DDHD1: variants seen among roughly 807,000 people sequenced by gnomAD.
DDHD1 encodes the protein DDHD domain containing 1, also known as phospholipase DDHD1.
In DDHD1, 49 loss-of-function variants were observed where a neutral mutation model predicts 96.4. The ratio of observed to expected loss-of-function variants is 0.51; its 90% CI spans 0.40 to 0.64. The LOEUF (loss-of-function observed/expected upper bound fraction) is 0.64, where lower values mean the gene tolerates loss of function less well. DDHD1 is among the 30% of genes least tolerant of loss of function. The probability of loss-of-function intolerance (pLI) is 0.00; values close to 1 mark genes in which losing one functional copy is unlikely to be tolerated. For missense variants in DDHD1, 1,106 were observed against 1,161.2 expected (o/e 0.95, Z 0.69); for synonymous variants, 442 against 446.5 (o/e 0.99, Z 0.13).
In DDHD1 at chr14:53,058,610, C is replaced by G. The variant is rs1478967871; in HGVS notation, c.1859G>C (p.Cys620Ser). 1.2e-6 allele frequency: 2 copies of G among 1,603,704 alleles called. No individual in the cohort carries two copies. The highest frequency in any genetic ancestry group is 1.7e-5 in the Admixed American group (1 of 57,660). Residue 620 changes from cysteine to serine, a missense_variant, in exon 9 of 13, where the codon TGT (cysteine) becomes TCT (serine). Physicochemically the swap from Cys to Ser is moderately radical, Grantham distance 112. Coordinates refer to ENST00000673822, the MANE Select transcript of DDHD1 (RefSeq NM_001160148.2). Reference protein sequence around the residue: ...ALKFKVENFFCMGSPLAVFLA... With the variant: ...ALKFKVENFFSMGSPLAVFLA... ...GAAAACTGCTAATGGGGATCCCATA[C>G]AGAAGAAATTCTCAACCTAAAATGA...
intron 2 of DDHD1, among the ~76,000 whole-genome samples, chr14:53,098,812 C>A (rs1887083024): frequency 6.6e-6 from 1 of 151,986 alleles, no homozygotes; most frequent in Non-Finnish European, 1.5e-5. Flanking sequence ...ACAGAGACAC[C>A]AACACCTGTG....
At chr14:53,126,921 T>C (rs1055444082) in intron 1 of DDHD1, among the ~76,000 whole-genome samples, 2 of 152,162 alleles carry the variant, frequency 1.3e-5, no homozygotes, top group African/African-American at 4.8e-5. Context: ...GAGGATTAAC[T>C]AGCTATAAAT....
rs189456429 is a variant in DDHD1 at position 53,103,596 on chromosome 14, T to C, written c.1012+87A>G. 802 of 1,114,702 alleles carry C rather than the reference T, an allele frequency of 7.2e-4. 12 individuals carry two copies. The East Asian group carries it at 0.02, about 27-fold the overall frequency. 69.1% of individuals were successfully genotyped at this position (1,114,702 alleles called of 1,614,324 possible). A position where few individuals can be genotyped will look rare whatever the true frequency, so the allele number is the denominator to read the frequency against. ...TTTTCTAATTCTAAACCTCCTGAATTATTATGTCAAATTTACAAACCACTC... is the reference window on the plus strand; with the variant it reads ...TTTTCTAATTCTAAACCTCCTGAATCATTATGTCAAATTTACAAACCACTC... On this transcript the variant is annotated intron_variant, in intron 2 of 12. Transcript: ENST00000673822.
At chr14:53,079,226 T>C (rs1885236992) in intron 4 of DDHD1, among the ~76,000 whole-genome samples, 1 of 152,166 alleles carries the variant, frequency 6.6e-6, no homozygotes, top group Non-Finnish European at 1.5e-5. Context: ...TAGAATGAGC[T>C]GGGAAATCTT....
At chr14:53,085,299 G>A (rs541576388) in intron 4 of DDHD1, among the ~76,000 whole-genome samples, 1 of 152,310 alleles carries the variant, frequency 6.6e-6, no homozygotes, top group African/African-American at 2.4e-5. Flanking sequence ...TTTCAACTCT[G>A]AGAATGGACA....
At chr14:53,074,407 A>G (rs1306614939) in intron 4 of DDHD1, among the ~76,000 whole-genome samples, 1 of 151,016 alleles carries the variant, frequency 6.6e-6, no homozygotes, top group Non-Finnish European at 1.5e-5. Flanking sequence ...TTTAGTAGTC[A>G]CTCCCCTCCC....
chr14:53,091,369 C>T (rs1303988096), intron 4 of DDHD1, among the ~76,000 whole-genome samples: 1 of 152,142 alleles, frequency 6.6e-6, no homozygotes, highest in African/African-American at 2.4e-5. Flanking sequence ...CCTTGGGTAG[C>T]AATTAATTGG....
chr14:53,046,452 A>G lies in DDHD1; in HGVS notation c.*316T>C, dbSNP rs1882014754. 5.5e-6 allele frequency: 1 copy of G among 183,426 alleles called. No homozygotes were observed. Among genetic ancestry groups the G allele is most frequent in the African/African-American group, 2.3e-5 (1 of 42,676 alleles). 11.4% of individuals were successfully genotyped at this position (183,426 alleles called of 1,614,324 possible). On this transcript the variant is annotated 3_prime_UTR_variant, in exon 13 of 13. Transcript: ENST00000673822. ...AATACATTATGTTCCATATGCCTTT[A>G]TATTTGGGAGGAATCAGATTGTGAT...
At chr14:53,112,623 C>T (rs1424806165) in intron 1 of DDHD1, among the ~76,000 whole-genome samples, 4 of 152,136 alleles carry the variant, frequency 2.6e-5, no homozygotes, top group African/African-American at 4.8e-5. Context: ...ATATAACTTA[C>T]TTATCAATCT....
chr14:53,072,558 C>A, intron 6 of DDHD1, 39 bp downstream of exon 6: 2 of 1,253,278 alleles, frequency 1.6e-6, no homozygotes, highest in South Asian at 1.7e-5. Context: ...TAAGCTATCA[C>A]TAAAAAATAC....
At chr14:53,077,466 T>A (rs575219912) in intron 4 of DDHD1, among the ~76,000 whole-genome samples, 7 of 152,302 alleles carry the variant, frequency 4.6e-5, no homozygotes, top group African/African-American at 1.7e-4. Flanking sequence ...AATGGTTAAT[T>A]CTTCCCTTTA....
At chr14:53,151,125 C>T (rs889350239) in intron 1 of DDHD1, among the ~76,000 whole-genome samples, 1 of 152,126 alleles carries the variant, frequency 6.6e-6, no homozygotes, top group Non-Finnish European at 1.5e-5. Context: ...ATATATATTG[C>T]ACTAGGCCCT....
intron 6 of DDHD1, among the ~76,000 whole-genome samples, chr14:53,063,463 A>G (rs1883766519): frequency 6.6e-6 from 1 of 151,964 alleles, no homozygotes; most frequent in South Asian, 2.1e-4. Flanking sequence ...CCAACTGTAT[A>G]AGCCAGCAGT....
chr14:53,074,447 CATT>C (rs1468397824), intron 4 of DDHD1, among the ~76,000 whole-genome samples: 1 of 151,664 alleles, frequency 6.6e-6, no homozygotes, highest in Non-Finnish European at 1.5e-5. Flanking sequence ...CTAGATATTG[CATT>C]ATTTTGTCTG....
chr14:53,131,390 C>T (rs995047269), intron 1 of DDHD1, among the ~76,000 whole-genome samples: 23 of 152,110 alleles, frequency 1.5e-4, no homozygotes, highest in Admixed American at 3.3e-4. Flanking sequence ...GTATGCCATC[C>T]CACAACAGGC....
Position 53,055,917 on chromosome 14 carries a change from A to AT in DDHD1, c.1993-6dup, listed in dbSNP as rs1566520467. On this transcript the variant is annotated splice_region_variant and splice_polypyrimidine_tract_variant and intron_variant, in intron 9 of 12. Transcript: ENST00000673822. ...TAATGGTTCTAATCTATAAGCCTTG[A>AT]TTTAAAAAAAAAAATTCAAAGAAAC... 8.8e-6 allele frequency: 14 copies of AT among 1,596,722 alleles called. No homozygotes were observed. The highest frequency in any genetic ancestry group is 1.2e-5 in the Non-Finnish European group (14 of 1,171,654).
intron 1 of DDHD1, among the ~76,000 whole-genome samples, chr14:53,129,781 T>C (rs1016706935): frequency 9.9e-5 from 15 of 152,184 alleles, no homozygotes; most frequent in Non-Finnish European, 2.2e-4. Flanking sequence ...CTAAGCATCT[T>C]ATTTTCTTCT....
intron 2 of DDHD1, 162 bp downstream of exon 2, chr14:53,103,521 A>G (rs1225501306): frequency 3.6e-6 from 2 of 562,964 alleles, no homozygotes; most frequent in African/African-American, 1.9e-5. Context: ...AGATATTTAT[A>G]GTAGTTAATT....
intron 1 of DDHD1, among the ~76,000 whole-genome samples, chr14:53,130,511 C>A (rs1428063725): frequency 1.3e-5 from 2 of 151,860 alleles, no homozygotes; most frequent in African/African-American, 4.8e-5. Context: ...ACTTAATTAA[C>A]CTCGCCTTCA....
Sources: gnomAD v4.1 joint callset for allele counts (sites outside exome capture counted in the v4.1 genomes callset) on GRCh38, gnomAD v4.1.1 for gene constraint, MANE v1.5 for transcripts, NCBI Gene and HGNC (gene_info 2026-07-23, HGNC 2026-07-21) for gene names.